SLC36A1: variants seen among roughly 807,000 people sequenced by gnomAD.
The protein encoded by SLC36A1 is solute carrier family 36 member 1, also known as proton-coupled amino acid transporter 1.
In SLC36A1, 30 loss-of-function variants were observed where a neutral mutation model predicts 47.5. The observed-to-expected ratio is 0.63, with a 90% CI of 0.47 to 0.86. The LOEUF (loss-of-function observed/expected upper bound fraction) is 0.86. Among genes scored for constraint, SLC36A1 ranks in the 40% least tolerant of loss-of-function variants. The pLI is 0.00. For synonymous variants in SLC36A1, 255 were observed against 249.7 expected (o/e 1.02, Z -0.20); for missense variants, 517 against 606.0 (o/e 0.85, Z 1.54).
chr5:151,469,891 G>GTCACCCAC (rs1192761287), intron 7 of SLC36A1, among the ~76,000 whole-genome samples: 1 of 152,052 alleles, frequency 6.6e-6, no homozygotes, highest in Admixed American at 6.6e-5. Context: ...CAGTGACCCA[G>GTCACCCAC]TCACCCACTG....
chr5:151,512,745 G>T, the SLC36A1 span: 1 of 758,900 alleles, frequency 1.3e-6, no homozygotes, highest in Non-Finnish European at 2.1e-6. This position sits in a 1 kb window ranked among gnomAD's most constrained non-coding sequence, Gnocchi z 4.1. Flanking sequence ...CATGGCATTT[G>T]CAGAGCATAA....
chr5:151,479,432 G>C lies in SLC36A1; in HGVS notation c.1102G>C (p.Glu368Gln), dbSNP rs751677534. 7 of 1,614,038 alleles carry C rather than the reference G, an allele frequency of 4.3e-6. No homozygotes were observed. The highest frequency in any genetic ancestry group is 5.9e-6 in the Non-Finnish European group (7 of 1,180,034). Reference protein sequence around the residue: ...IIPFFVSRAPEHCELVVDLFV... With the variant: ...IIPFFVSRAPQHCELVVDLFV... Reference sequence around the variant, plus strand: ...CCCCTTCTTTGTGTCCCGAGCGCCCGAGCACTGTGAGTTAGTGGTGGACCT... The same window carrying C: ...CCCCTTCTTTGTGTCCCGAGCGCCCCAGCACTGTGAGTTAGTGGTGGACCT... Residue 368 changes from glutamate (E) to glutamine (Q), a missense_variant, in exon 10 of 11, where the codon GAG (glutamate) becomes CAG (glutamine). Glu to Gln is a conservative substitution (Grantham distance 29, BLOSUM62 2). Transcript: ENST00000243389.
the SLC36A1 span, chr5:151,507,519 A>G: frequency 6.2e-7 from 1 of 1,614,036 alleles, no homozygotes; most frequent in Non-Finnish European, 8.5e-7. Flanking sequence ...CACTGTGATG[A>G]TCAGTAACTC....
the SLC36A1 span, chr5:151,521,724 C>G: frequency 8.1e-6 from 13 of 1,613,932 alleles, no homozygotes; most frequent in Middle Eastern, 1.6e-4. Flanking sequence ...GAGCCTCCTG[C>G]CCCACATGCC....
chr5:151,542,403 A>G, the SLC36A1 span: 72 of 1,614,048 alleles, frequency 4.5e-5, no homozygotes, highest in Non-Finnish European at 5.5e-5. Context: ...TGTACTCTTC[A>G]GAAGCAAATC....
the SLC36A1 span, chr5:151,522,023 G>A: frequency 3.1e-6 from 5 of 1,613,236 alleles, no homozygotes; most frequent in Non-Finnish European, 3.4e-6. Flanking sequence ...TAGTGGCTCT[G>A]CTCTGTGACA....
In SLC36A1 at chr5:151,451,484, G is replaced by A. The variant is rs374147803; in HGVS notation, c.-6+3671G>A. ...ACTTAGATCACCATCTCCAAGGTAGGGACCTGGCTTCACAATCCAGAGTTT... is the reference window on the plus strand; with the variant it reads ...ACTTAGATCACCATCTCCAAGGTAGAGACCTGGCTTCACAATCCAGAGTTT... On this transcript the variant is annotated intron_variant, in intron 1 of 10. Transcript: ENST00000243389. Among the ~76,000 whole-genome samples the A allele has an allele frequency of 2.0e-5, 3 of 152,130 alleles. No homozygotes were observed. In the East Asian group the frequency reaches 5.8e-4, roughly 29 times the overall value.
chr5:151,480,265 C>G (rs1273870133), intron 10 of SLC36A1: 1 of 440,850 alleles, frequency 2.3e-6, no homozygotes, highest in Non-Finnish European at 3.9e-6. Context: ...ATAGATTCCT[C>G]TTTTTGGCTC....
chr5:151,390,069 G>C, the SLC36A1 span, among the ~76,000 whole-genome samples: 37 of 152,162 alleles, frequency 2.4e-4, no homozygotes, highest in South Asian at 1.0e-3. Context: ...TCTCCAGCAC[G>C]TGTTGTTTCC....
chr5:151,363,143 G>A, the SLC36A1 span, among the ~76,000 whole-genome samples: 1 of 152,144 alleles, frequency 6.6e-6, no homozygotes, highest in East Asian at 1.9e-4. Context: ...CTGTGTTTTG[G>A]CACTGGATGA....
chr5:151,456,544 T>A (rs900344214), intron 1 of SLC36A1, among the ~76,000 whole-genome samples: 2 of 152,164 alleles, frequency 1.3e-5, no homozygotes, highest in African/African-American at 4.8e-5. Flanking sequence ...TTAAGATACT[T>A]CAGAGATTTT....
the SLC36A1 span, among the ~76,000 whole-genome samples, chr5:151,400,131 A>G: frequency 6.6e-6 from 1 of 152,102 alleles, no homozygotes; most frequent in Non-Finnish European, 1.5e-5. Flanking sequence ...TTAGTACCCA[A>G]TGGGTGGTTT....
intron 1 of SLC36A1, among the ~76,000 whole-genome samples, chr5:151,449,335 G>T (rs575254939): frequency 6.6e-6 from 1 of 152,314 alleles, no homozygotes; most frequent in South Asian, 2.1e-4. Flanking sequence ...TAACTTACTT[G>T]TACATTTAGA....
chr5:151,391,797 A>G, the SLC36A1 span, among the ~76,000 whole-genome samples: 2 of 152,132 alleles, frequency 1.3e-5, no homozygotes, highest in Non-Finnish European at 2.9e-5. Context: ...TGCTGGATTC[A>G]GTTTGCCAGT....
the SLC36A1 span, chr5:151,545,428 T>C: frequency 1.2e-6 from 2 of 1,614,100 alleles, no homozygotes; most frequent in Non-Finnish European, 8.5e-7. Context: ...GACTTCTGAG[T>C]CTTCATCGCT....
At chr5:151,393,577 A>G in the SLC36A1 span, among the ~76,000 whole-genome samples, 1 of 151,934 alleles carries the variant, frequency 6.6e-6, no homozygotes, top group African/African-American at 2.4e-5. Flanking sequence ...TTCCTTCAGG[A>G]GCTCTTTTAG....
In SLC36A1 at chr5:151,458,847, G is replaced by A. The variant is rs752896616; in HGVS notation, c.55G>A (p.Val19Met). 14 of 1,614,102 alleles carry A rather than the reference G, an allele frequency of 8.7e-6. No homozygotes were observed. Among genetic ancestry groups the A allele is most frequent in the Admixed American group, 1.7e-5 (1 of 60,020 alleles). ...EDYHDYSSTDVSPEESPSEGL... is the reference protein window; with the variant it reads ...EDYHDYSSTDMSPEESPSEGL... ...CTACCACGACTACAGCTCCACGGAC[G>A]TGAGCCCTGAGGAGAGCCCGTCGGA... is the stretch of plus-strand genomic sequence containing the variant. Residue 19 changes from valine (V) to methionine (M), a missense_variant, in exon 2 of 11, where the codon GTG (valine) becomes ATG (methionine). Val to Met is a conservative substitution (Grantham distance 21). Coordinates refer to ENST00000243389, the MANE Select transcript of SLC36A1 (RefSeq NM_078483.4).
chr5:151,465,901 C>T (rs73272011), intron 5 of SLC36A1, among the ~76,000 whole-genome samples: 4,766 of 147,950 alleles, frequency 0.032, 256 homozygotes, highest in African/African-American at 0.11. Context: ...TTGTTTTCTA[C>T]ATTTAAATGT....
the SLC36A1 span, among the ~76,000 whole-genome samples, chr5:151,367,950 G>A: frequency 2.0e-5 from 3 of 152,176 alleles, no homozygotes; most frequent in South Asian, 2.1e-4. Context: ...AATCCAACAT[G>A]TGTCCTTTCT....
Sources: gnomAD v4.1 joint callset for allele counts (sites outside exome capture counted in the v4.1 genomes callset) on GRCh38, gnomAD v4.1.1 for gene constraint, Gnocchi (gnomAD v3.1) non-coding constraint, MANE v1.5 for transcripts, NCBI Gene and HGNC (gene_info 2026-07-23, HGNC 2026-07-21) for gene names.